Variants in CDS2 observed in about 807,000 individuals in gnomAD.
The protein encoded by CDS2 is phosphatidate cytidylyltransferase 2.
Under a neutral mutation model 59.0 loss-of-function variants are expected in CDS2, and 47 were observed. The ratio of observed to expected loss-of-function variants is 0.80; its 90% CI spans 0.63 to 1.02. The LOEUF (loss-of-function observed/expected upper bound fraction) is 1.02, where lower values mean the gene tolerates loss of function less well. Among genes scored for constraint, CDS2 ranks in the 50% least tolerant of loss-of-function variants. The pLI is 0.00. For synonymous variants in CDS2, 207 were observed against 206.4 expected, an observed-to-expected ratio of 1.00 and a Z score of -0.02; for missense variants, 356 against 558.9, an observed-to-expected ratio of 0.64 and a Z score of 3.66.
intron 1 of CDS2, among the ~76,000 whole-genome samples, chr20:5,167,010 G>C (rs1380627746): frequency 1.3e-5 from 2 of 152,156 alleles, no homozygotes; most frequent in East Asian, 3.9e-4. Context: ...GAGATGAGAA[G>C]ATGGAGAGGG....
chr20:5,160,589 T>G (rs962637291), intron 1 of CDS2, among the ~76,000 whole-genome samples: 1 of 152,232 alleles, frequency 6.6e-6, no homozygotes, highest in Non-Finnish European at 1.5e-5. Flanking sequence ...TTAACCATTT[T>G]CAAGTGTATG....
chr20:5,167,500 C>T (rs919759910), intron 1 of CDS2, among the ~76,000 whole-genome samples: 1 of 152,118 alleles, frequency 6.6e-6, no homozygotes. Context: ...CAACAATATA[C>T]ACACACAAAT....
chr20:5,184,569 C>T lies in CDS2; in HGVS notation c.672-289C>T, dbSNP rs972497822. On this transcript the variant is annotated intron_variant, in intron 7 of 12. Coordinates refer to ENST00000460006, the MANE Select transcript of CDS2 (RefSeq NM_003818.4). The surrounding 1 kb of genome is among the most constrained non-coding windows in gnomAD (Gnocchi z 4.3). ...TTTTGTTCCTTTTACAATTAAATTT[C>T]TCTCATTGTTTACGTATATTTCTTT... Among the ~76,000 whole-genome samples the T allele has an allele frequency of 9.2e-5, 14 of 152,138 alleles. No individual in the cohort carries two copies. Among genetic ancestry groups the T allele is most frequent in the African/African-American group, 3.1e-4 (13 of 41,432 alleles).
intron 11 of CDS2, 58 bp downstream of exon 11, chr20:5,189,244 C>A: frequency 6.2e-7 from 1 of 1,605,028 alleles, no homozygotes; most frequent in Non-Finnish European, 8.5e-7. Flanking sequence ...TTCTGCCTTT[C>A]TCCCCCTTCC....
rs1293387169 is a variant in CDS2, at chr20:5,196,137, G to GGTCC, written c.*5904_*5907dup. 6.6e-6 allele frequency: 1 copy of GGTCC among 152,102 alleles called. No individual in the cohort carries two copies. Among genetic ancestry groups the GGTCC allele is most frequent in the Non-Finnish European group, 1.5e-5 (1 of 68,032 alleles). 9.4% of individuals were successfully genotyped at this position (152,102 alleles called of 1,614,324 possible). ...TTGCTATTAATAGTATGGAAATAATGGTCCCTCTGTTTCATTGAATTGCTG... is the reference window on the plus strand; with the variant it reads ...TTGCTATTAATAGTATGGAAATAATGGTCCGTCCCTCTGTTTCATTGAATTGCTG... On this transcript the variant is annotated 3_prime_UTR_variant, in exon 13 of 13. Coordinates refer to ENST00000460006, the MANE Select transcript of CDS2 (RefSeq NM_003818.4).
At chr20:5,145,683 C>G (rs1373390983) in intron 1 of CDS2, among the ~76,000 whole-genome samples, 2 of 152,120 alleles carry the variant, frequency 1.3e-5, no homozygotes, top group African/African-American at 4.8e-5. Context: ...GATGCCTGTC[C>G]CCTGCTGTTT....
chr20:5,152,919 A>T (rs1393581580), intron 1 of CDS2, among the ~76,000 whole-genome samples: 1 of 152,222 alleles, frequency 6.6e-6, no homozygotes, highest in African/African-American at 2.4e-5. Context: ...CATGCCATTT[A>T]GTATGCATTT....
chr20:5,135,515 C>G lies in CDS2; in HGVS notation c.57+8366C>G, dbSNP rs1380166151. On this transcript the variant is annotated intron_variant, in intron 1 of 12. Transcript: ENST00000460006. ...ACTGACTCTTCACTATTAATTTTGCCAAAGTCTCCTTGAAAGAATGCTAAT... is the reference window on the plus strand; with the variant it reads ...ACTGACTCTTCACTATTAATTTTGCGAAAGTCTCCTTGAAAGAATGCTAAT... 3.3e-5 allele frequency among the ~76,000 whole-genome samples: 5 copies of G among 152,172 alleles called. No individual in the cohort carries two copies. In the South Asian group the frequency reaches 1.0e-3, roughly 31 times the overall value.
chr20:5,165,385 A>ACCCTGGATTCT (rs1271995243), intron 1 of CDS2, among the ~76,000 whole-genome samples: 5 of 152,128 alleles, frequency 3.3e-5, no homozygotes, highest in Non-Finnish European at 7.4e-5. Context: ...ACTTCAGCAA[A>ACCCTGGATTCT]CCCTGGATTC....
chr20:5,145,710 C>T (rs1568530651), intron 1 of CDS2, among the ~76,000 whole-genome samples: 1 of 152,100 alleles, frequency 6.6e-6, no homozygotes, highest in African/African-American at 2.4e-5. Flanking sequence ...CCATAGTGTC[C>T]TTCCTTGCTG....
intron 3 of CDS2, among the ~76,000 whole-genome samples, chr20:5,175,818 T>G (rs1173926173): frequency 2.6e-5 from 4 of 152,054 alleles, no homozygotes; most frequent in African/African-American, 7.2e-5. Flanking sequence ...AAACTGACTT[T>G]ATTATTCCAA....
chr20:5,185,632 C>A (rs1245330834), intron 8 of CDS2, 126 bp from the exon 9 acceptor site: 6 of 759,394 alleles, frequency 7.9e-6, no homozygotes, highest in Admixed American at 2.5e-5. Flanking sequence ...TTTGGGGGAG[C>A]TTTAAAAGGT....
intron 1 of CDS2, among the ~76,000 whole-genome samples, chr20:5,132,989 G>A (rs1277573369): frequency 6.6e-6 from 1 of 150,576 alleles, no homozygotes; most frequent in Non-Finnish European, 1.5e-5. Flanking sequence ...TGGCTAAGAC[G>A]GCAAAACCCC....
intron 1 of CDS2, among the ~76,000 whole-genome samples, chr20:5,135,456 G>GTGT (rs982724925): frequency 7.2e-6 from 1 of 139,400 alleles, no homozygotes; most frequent in African/African-American, 3.4e-5. Flanking sequence ...CTGTTTGTGT[G>GTGT]TCATACTGCC....
chr20:5,183,652 C>T (rs1240379138), intron 7 of CDS2, among the ~76,000 whole-genome samples: 1 of 152,104 alleles, frequency 6.6e-6, no homozygotes, highest in Non-Finnish European at 1.5e-5. Flanking sequence ...TATACCAAAG[C>T]CAATGAGGAG....
chr20:5,138,542 A>G (rs146877394), intron 1 of CDS2, among the ~76,000 whole-genome samples: 1,949 of 151,648 alleles, frequency 0.013, 51 homozygotes, highest in African/African-American at 0.043. Flanking sequence ...CTGGAGTGCA[A>G]TGGCGCCATT....
chr20:5,185,605 G>A (rs77994763), intron 8 of CDS2, among the ~76,000 whole-genome samples, 153 bp from the exon 9 acceptor site: 260 of 152,254 alleles, frequency 1.7e-3, no homozygotes, highest in African/African-American at 5.5e-3. Context: ...TATAAGATAG[G>A]GAACAAGGAA....
intron 1 of CDS2, among the ~76,000 whole-genome samples, chr20:5,160,316 T>G (rs2090867431): frequency 6.6e-6 from 1 of 152,194 alleles, no homozygotes; most frequent in Non-Finnish European, 1.5e-5. Context: ...TGAACCTTGT[T>G]CAGAATCCTG....
chr20:5,180,514 T>G (rs6053177), intron 5 of CDS2, among the ~76,000 whole-genome samples: 69,723 of 151,750 alleles, frequency 0.46, 16,406 homozygotes, highest in South Asian at 0.62. Flanking sequence ...AACTGCCATG[T>G]CACTGATTGG....
Sources: allele counts gnomAD v4.1 joint callset (sites outside exome capture counted in the v4.1 genomes callset), GRCh38; gene constraint gnomAD v4.1.1; non-coding constraint Gnocchi (gnomAD v3.1); transcripts MANE v1.5; gene names NCBI Gene and HGNC (gene_info 2026-07-23, HGNC 2026-07-21).